The following MAML3 variants were observed in gnomAD, a reference collection of about 807,000 sequenced individuals.
MAML3 encodes the protein mastermind like transcriptional coactivator 3.
A neutral mutation model predicts 101.9 loss-of-function variants in MAML3; 27 were observed. The ratio of observed to expected loss-of-function variants is 0.27; its 90% confidence interval spans 0.20 to 0.37. The LOEUF is 0.37. Among genes scored for constraint, MAML3 ranks in the 10% least tolerant of loss-of-function variants. The probability of loss-of-function intolerance (pLI) is 1.00; values close to 1 mark genes in which losing one functional copy is unlikely to be tolerated. For missense variants in MAML3, 1,316 were observed against 1,444.9 expected (o/e 0.91, Z 1.45); for synonymous variants, 501 against 555.9 (o/e 0.90, Z 1.39).
At chr4:139,806,796 A>C (rs1013242519) in intron 2 of MAML3, among the ~76,000 whole-genome samples, 5 of 152,218 alleles carry the variant, frequency 3.3e-5, no homozygotes, top group African/African-American at 1.2e-4. Flanking sequence ...AAACCTCAAT[A>C]ATATAGGTGA....
rs1490347075 is a variant in MAML3 at position 139,753,386 on chromosome 4, A to ATCTAT, written c.2080-22720_2080-22719insATAGA. On this transcript the variant is annotated intron_variant, in intron 2 of 4. Transcript: ENST00000509479. ...TATCTATCTATCTATCTATCTATCT[A>ATCTAT]TTTTTTGTTAGGAGCATTTTAACTG... is the stretch of plus-strand genomic sequence containing the variant. Among the ~76,000 whole-genome samples, 3 of 148,650 alleles carry ATCTAT rather than the reference A, an allele frequency of 2.0e-5. No homozygotes were observed. The South Asian group carries it at 6.4e-4, about 32-fold the overall frequency.
intron 2 of MAML3, among the ~76,000 whole-genome samples, chr4:139,740,953 C>T (rs752423126): frequency 5.3e-5 from 8 of 152,142 alleles, no homozygotes; most frequent in Non-Finnish European, 1.0e-4. Flanking sequence ...TTCCAGAGGC[C>T]GTGAGAGGGA....
intron 2 of MAML3, among the ~76,000 whole-genome samples, chr4:139,734,075 A>G (rs929295607): frequency 6.6e-6 from 1 of 152,236 alleles, no homozygotes; most frequent in African/African-American, 2.4e-5. Flanking sequence ...ACAGTGGATG[A>G]GAGACACCTA....
chr4:140,149,628 A>G (rs1729122347), intron 1 of MAML3, among the ~76,000 whole-genome samples: 1 of 152,194 alleles, frequency 6.6e-6, no homozygotes, highest in Non-Finnish European at 1.5e-5. Context: ...ATGAAACAGT[A>G]AAGAATCCTA....
At chr4:139,933,402 C>T (rs1733441646) in intron 1 of MAML3, among the ~76,000 whole-genome samples, 1 of 152,214 alleles carries the variant, frequency 6.6e-6, no homozygotes, top group Non-Finnish European at 1.5e-5. Context: ...GAGACGAAAA[C>T]ACCCCAAACC....
intron 1 of MAML3, among the ~76,000 whole-genome samples, chr4:140,096,249 G>A (rs1728162534): frequency 6.6e-6 from 1 of 152,200 alleles, no homozygotes. Flanking sequence ...TGATGACGGT[G>A]ACAATGACGT....
chr4:140,128,198 G>C (rs1728714445), intron 1 of MAML3: 1 of 152,156 alleles, frequency 6.6e-6, no homozygotes, highest in African/African-American at 2.4e-5. Flanking sequence ...TGGTGCTTTA[G>C]AACAATACAA....
intron 1 of MAML3, among the ~76,000 whole-genome samples, chr4:140,122,087 T>C (rs1199754688): frequency 1.3e-5 from 2 of 152,198 alleles, no homozygotes; most frequent in Non-Finnish European, 2.9e-5. Context: ...TGCGAGTCGA[T>C]TAAATCTCTT....
At chr4:139,819,772 C>T (rs1730945645) in intron 2 of MAML3, among the ~76,000 whole-genome samples, 1 of 152,176 alleles carries the variant, frequency 6.6e-6, no homozygotes. Flanking sequence ...TCTAATCCTA[C>T]CCAGATCTGA....
chr4:140,044,577 C>T (rs958719407), intron 1 of MAML3, among the ~76,000 whole-genome samples: 12 of 152,206 alleles, frequency 7.9e-5, no homozygotes, highest in African/African-American at 2.9e-4. Flanking sequence ...TCTTTACAAA[C>T]CAATGTGCTA....
chr4:140,139,461 G>T (rs1290800240), intron 1 of MAML3, among the ~76,000 whole-genome samples: 1 of 151,992 alleles, frequency 6.6e-6, no homozygotes, highest in Non-Finnish European at 1.5e-5. Context: ...GGAGTCTAAG[G>T]CAGGAGGATA....
rs1430722361 is a variant in MAML3, at chr4:139,811,634, A to C, written c.2079+77723T>G. 2.0e-5 allele frequency among the ~76,000 whole-genome samples: 3 copies of C among 152,342 alleles called. No individual in the cohort carries two copies. The East Asian group carries it at 5.8e-4, about 29-fold the overall frequency. ...CAAGTAACCTGACAATTTTATTTTGATGCACATAGATGGTAAAGGTATTTC... is the reference window on the plus strand; with the variant it reads ...CAAGTAACCTGACAATTTTATTTTGCTGCACATAGATGGTAAAGGTATTTC... On this transcript the variant is annotated intron_variant, in intron 2 of 4. Coordinates refer to ENST00000509479, the MANE Select transcript of MAML3 (RefSeq NM_018717.5).
At chr4:140,108,166 T>C (rs1728382789) in intron 1 of MAML3, among the ~76,000 whole-genome samples, 2 of 151,964 alleles carry the variant, frequency 1.3e-5, no homozygotes, top group African/African-American at 4.8e-5. Flanking sequence ...AACATACACA[T>C]GTGGGCCACG....
chr4:139,800,904 T>C (rs967139493), intron 2 of MAML3, among the ~76,000 whole-genome samples: 1 of 152,210 alleles, frequency 6.6e-6, no homozygotes, highest in African/African-American at 2.4e-5. Flanking sequence ...TGGCCCTTAT[T>C]TGCAAAGTTG....
At chr4:140,025,788 G>A (rs144356781) in intron 1 of MAML3, among the ~76,000 whole-genome samples, 31 of 152,276 alleles carry the variant, frequency 2.0e-4, no homozygotes, top group African/African-American at 7.5e-4. Context: ...TCTCAACCGC[G>A]ATTGAAAAAT....
At chr4:140,035,213 A>G (rs1289586269) in intron 1 of MAML3, among the ~76,000 whole-genome samples, 1 of 152,098 alleles carries the variant, frequency 6.6e-6, no homozygotes, top group East Asian at 1.9e-4. Context: ...ACCTCAAGTG[A>G]CACACCTGCC....
At chr4:139,977,742 A>G (rs1734369000) in intron 1 of MAML3, among the ~76,000 whole-genome samples, 1 of 151,998 alleles carries the variant, frequency 6.6e-6, no homozygotes, top group South Asian at 2.1e-4. Context: ...GTGTGGTGGC[A>G]TGTGCCTGTA....
intron 2 of MAML3, among the ~76,000 whole-genome samples, chr4:139,814,025 A>ACACACACACACAC (rs1730851144): frequency 1.2e-4 from 17 of 145,138 alleles, no homozygotes; most frequent in Middle Eastern, 3.4e-3. Flanking sequence ...CACAAACACA[A>ACACACACACACAC]ACACACACAC....
chr4:139,836,422 G>A (rs182076095), intron 2 of MAML3, among the ~76,000 whole-genome samples: 1 of 152,214 alleles, frequency 6.6e-6, no homozygotes, highest in Admixed American at 6.5e-5. Flanking sequence ...ACTGGGGCAG[G>A]AGGTAGGGTG....
Sources: gnomAD v4.1 joint callset for allele counts (sites outside exome capture counted in the v4.1 genomes callset) on GRCh38, gnomAD v4.1.1 for gene constraint, MANE v1.5 for transcripts, NCBI Gene and HGNC (gene_info 2026-07-23, HGNC 2026-07-21) for gene names.